The following COL4A4 variants were observed in gnomAD, a reference collection of about 807,000 sequenced individuals.
The protein encoded by COL4A4 is collagen alpha-4(IV) chain.
Under a neutral mutation model 192.9 loss-of-function variants are expected in COL4A4, and 105 were observed. The observed-to-expected ratio is 0.54, with a 90% CI of 0.46 to 0.64. COL4A4 has a LOEUF of 0.64. COL4A4 is among the 30% of genes least tolerant of loss of function. The pLI is 0.00. For missense variants in COL4A4, 1,967 were observed against 2,169.3 expected (o/e 0.91, Z 1.85); for synonymous variants, 762 against 769.9 (o/e 0.99, Z 0.17).
At chr2:227,122,719 CG>C (rs2125058630) in intron 4 of COL4A4, among the ~76,000 whole-genome samples, 1 of 152,274 alleles carries the variant, frequency 6.6e-6, no homozygotes, top group South Asian at 2.1e-4. Flanking sequence ...CCCAGACAAT[CG>C]CATAGCATGA....
At chr2:227,073,298 A>T (rs893413338) in intron 25 of COL4A4, among the ~76,000 whole-genome samples, 8 of 110,078 alleles carry the variant, frequency 7.3e-5, no homozygotes, top group Non-Finnish European at 1.2e-4. Context: ...CTTTTACAAC[A>T]GCTGTGAAAA....
At chr2:227,157,012 A>G (rs1356752437) in intron 1 of COL4A4, among the ~76,000 whole-genome samples, 1 of 152,214 alleles carries the variant, frequency 6.6e-6, no homozygotes, top group Non-Finnish European at 1.5e-5. Flanking sequence ...AGGACACTAT[A>G]CCAAGCCATA....
chr2:227,118,769 A>G lies in COL4A4; in HGVS notation c.373-8T>C. 1 of 1,595,902 alleles carries G rather than the reference A, an allele frequency of 6.3e-7. No individual in the cohort carries two copies. ...AGGAGGCCCTGGGTGCCCCTGCAGA[A>G]AACAAAATTATAAGTGAAGCATTTT... is the stretch of plus-strand genomic sequence containing the variant. On this transcript the variant is annotated splice_polypyrimidine_tract_variant and splice_region_variant and intron_variant, in intron 6 of 47. Transcript: ENST00000396625.
At chr2:227,121,476 A>G in intron 4 of COL4A4, among the ~76,000 whole-genome samples, 1 of 151,348 alleles carries the variant, frequency 6.6e-6, no homozygotes, top group East Asian at 1.9e-4. Context: ...GAGGTGGAGA[A>G]TCACTTGAGC....
intron 42 of COL4A4, among the ~76,000 whole-genome samples, chr2:227,026,532 C>G (rs781752056): frequency 2.0e-5 from 3 of 152,004 alleles, no homozygotes; most frequent in African/African-American, 7.2e-5. Flanking sequence ...ACATATAAGC[C>G]CTTGTTCCTC....
intron 9 of COL4A4, 90 bp downstream of exon 9, chr2:227,111,588 A>G: frequency 7.1e-7 from 1 of 1,417,706 alleles, no homozygotes; most frequent in South Asian, 1.2e-5. Context: ...AGCCGCACAA[A>G]TTATGTAGCT....
intron 45 of COL4A4, among the ~76,000 whole-genome samples, chr2:227,011,328 T>C (rs1218366329): frequency 1.3e-5 from 2 of 152,222 alleles, no homozygotes; most frequent in Non-Finnish European, 2.9e-5. Context: ...TGGTAGCCTG[T>C]GGACTGAATC....
At chr2:226,981,110 C>T in the COL4A4 span, among the ~76,000 whole-genome samples, 1 of 152,174 alleles carries the variant, frequency 6.6e-6, no homozygotes, top group African/African-American at 2.4e-5. Context: ...AGTAAACTAT[C>T]ACAAGGACAG....
chr2:227,054,425 G>T (rs78162886), intron 31 of COL4A4, among the ~76,000 whole-genome samples, 169 bp downstream of exon 31: 1,726 of 152,204 alleles, frequency 0.011, 30 homozygotes, highest in African/African-American at 0.04. Flanking sequence ...AAGATTAAGA[G>T]GTAAAGAAAA....
the COL4A4 span, among the ~76,000 whole-genome samples, chr2:226,977,769 C>G: frequency 6.6e-6 from 1 of 152,230 alleles, no homozygotes; most frequent in East Asian, 1.9e-4. Flanking sequence ...TGAGGTTTAG[C>G]AGCTCATAAA....
the COL4A4 span, among the ~76,000 whole-genome samples, chr2:226,967,508 A>G: frequency 4.0e-5 from 6 of 149,194 alleles, no homozygotes; most frequent in Non-Finnish European, 8.9e-5. Flanking sequence ...AACATTAGGT[A>G]TATCTCCTAA....
chr2:227,038,927 G>T (rs975952653), intron 37 of COL4A4, among the ~76,000 whole-genome samples: 1 of 152,170 alleles, frequency 6.6e-6, no homozygotes, highest in Non-Finnish European at 1.5e-5. Context: ...TTTGTTTTGT[G>T]TTGTGGTTTT....
intron 4 of COL4A4, among the ~76,000 whole-genome samples, chr2:227,130,183 T>A (rs2062357105): frequency 6.6e-6 from 1 of 152,196 alleles, no homozygotes; most frequent in African/African-American, 2.4e-5. Flanking sequence ...ACCGCACTTG[T>A]TCACAATGAA....
At position 227,078,096 on chromosome 2, in the gene COL4A4, G is replaced by C; in HGVS notation, c.1804-19C>G. The stretch of plus-strand genomic sequence containing the variant: ...GATCCCCCTGGGAATGTTATGTCAT[G>C]AGTCAATTACCAACCACTGAATGTC... On this transcript the variant is annotated intron_variant, in intron 24 of 47. Coordinates refer to ENST00000396625, the MANE Select transcript of COL4A4 (RefSeq NM_000092.5). 4.3e-6 allele frequency: 7 copies of C among 1,613,302 alleles called. No individual in the cohort carries two copies. Among genetic ancestry groups the C allele is most frequent in the Non-Finnish European group, 5.9e-6 (7 of 1,179,578 alleles).
At chr2:226,989,916 C>T in the COL4A4 span, among the ~76,000 whole-genome samples, 2 of 152,074 alleles carry the variant, frequency 1.3e-5, no homozygotes, top group African/African-American at 4.8e-5. Flanking sequence ...TTTGAGATTC[C>T]AGATATTATT....
chr2:227,150,917 T>A (rs1375781545), intron 1 of COL4A4, among the ~76,000 whole-genome samples: 1 of 146,012 alleles, frequency 6.8e-6, no homozygotes, highest in Non-Finnish European at 1.5e-5. Context: ...TTTTTTTTTT[T>A]AACATCTTAA....
intron 4 of COL4A4, 23 bp from the exon 5 acceptor site, chr2:227,121,171 A>T (rs1172899622): frequency 1.9e-6 from 3 of 1,613,114 alleles, no homozygotes; most frequent in Non-Finnish European, 2.5e-6. Context: ...ATTAAAAAGA[A>T]ATGGGGGTGC....
rs1391966809 is a variant in COL4A4 at position 227,101,527 on chromosome 2, G to C, written c.1006C>G (p.Leu336Val). 3 of 1,611,622 alleles carry C rather than the reference G, an allele frequency of 1.9e-6. No individual in the cohort carries two copies. In the East Asian group the frequency reaches 6.7e-5, roughly 36 times the overall value. ...GELGLVGDPG[L>V]FGLIGPKGDP... ...ACCTTTGGGCCAATTAATCCAAATA[G>C]CCCAGGATCTCCAACCAGTCCTAGT... is the stretch of plus-strand genomic sequence containing the variant. Residue 336 changes from leucine (L) to valine (V), a missense_variant, in exon 17 of 48, where the codon CTA (leucine) becomes GTA (valine). Leu to Val is a conservative substitution (Grantham distance 32). Transcript: ENST00000396625.
chr2:227,135,924 G>A (rs1217449362), intron 4 of COL4A4, among the ~76,000 whole-genome samples: 3 of 152,156 alleles, frequency 2.0e-5, no homozygotes, highest in Non-Finnish European at 2.9e-5. Flanking sequence ...GATTACAGGC[G>A]TGAACCACCA....
Sources: allele counts gnomAD v4.1 joint callset (sites outside exome capture counted in the v4.1 genomes callset), GRCh38; gene constraint gnomAD v4.1.1; transcripts MANE v1.5; gene names NCBI Gene and HGNC (gene_info 2026-07-23, HGNC 2026-07-21).